Variants in NKAIN2 observed in about 807,000 individuals in gnomAD.
The protein encoded by NKAIN2 is sodium/potassium transporting ATPase interacting 2.
NKAIN2 carries 14 observed loss-of-function variants against 32.6 expected under a neutral mutation model. The ratio of observed to expected loss-of-function variants is 0.43; its 90% CI spans 0.28 to 0.67. The LOEUF (loss-of-function observed/expected upper bound fraction) is 0.67, where lower values mean the gene tolerates loss of function less well. NKAIN2 is among the 30% of genes least tolerant of loss of function. The probability of loss-of-function intolerance (pLI) is 0.17; values close to 1 mark genes in which losing one functional copy is unlikely to be tolerated. For synonymous variants in NKAIN2, 80 were observed against 87.2 expected (o/e 0.92, Z 0.46); for missense variants, 198 against 258.3 (o/e 0.77, Z 1.60).
At chr6:124,269,974 T>C (rs1180064055) in intron 1 of NKAIN2, among the ~76,000 whole-genome samples, 3 of 152,178 alleles carry the variant, frequency 2.0e-5, no homozygotes, top group Non-Finnish European at 2.9e-5. Context: ...ATTGACAATC[T>C]CCATATAGCT....
chr6:124,244,093 CT>C (rs201785453), intron 1 of NKAIN2, among the ~76,000 whole-genome samples: 2,199 of 149,186 alleles, frequency 0.015, 79 homozygotes, highest in East Asian at 0.084. Context: ...TTAATTAGTT[CT>C]TTTTTTTTAT....
intron 1 of NKAIN2, among the ~76,000 whole-genome samples, chr6:123,908,195 A>G (rs374389029): frequency 8.5e-5 from 13 of 152,272 alleles, no homozygotes; most frequent in African/African-American, 2.6e-4. Flanking sequence ...ATATCTTGCA[A>G]GAGATCTCTT....
chr6:123,883,432 A>T (rs1047159659), intron 1 of NKAIN2, among the ~76,000 whole-genome samples: 2 of 151,392 alleles, frequency 1.3e-5, no homozygotes, highest in Non-Finnish European at 2.9e-5. Context: ...GGCGTGAGCC[A>T]CTGCACCCGG....
intron 1 of NKAIN2, among the ~76,000 whole-genome samples, chr6:123,976,633 G>A (rs1778652077): frequency 1.3e-5 from 2 of 151,308 alleles, no homozygotes; most frequent in Non-Finnish European, 2.9e-5. Flanking sequence ...TTTATCCAGA[G>A]TTCACTGATT....
chr6:124,570,377 C>T (rs1056170671), intron 3 of NKAIN2, among the ~76,000 whole-genome samples: 3 of 152,130 alleles, frequency 2.0e-5, no homozygotes, highest in Non-Finnish European at 2.9e-5. Context: ...CACCAGGCCA[C>T]GTCAGAGACC....
At chr6:124,528,166 G>A (rs958257638) in intron 3 of NKAIN2, among the ~76,000 whole-genome samples, 3 of 152,196 alleles carry the variant, frequency 2.0e-5, no homozygotes, top group African/African-American at 7.2e-5. Flanking sequence ...AGGCAACCTA[G>A]AGAGAGATGC....
chr6:123,857,158 A>T (rs1207543435), intron 1 of NKAIN2, among the ~76,000 whole-genome samples: 1 of 152,168 alleles, frequency 6.6e-6, no homozygotes, highest in Non-Finnish European at 1.5e-5. Flanking sequence ...ATTTTTACAT[A>T]CAGTGTCAGG....
chr6:124,431,940 G>T (rs1775235101), intron 3 of NKAIN2, among the ~76,000 whole-genome samples: 1 of 152,110 alleles, frequency 6.6e-6, no homozygotes, highest in South Asian at 2.1e-4. Context: ...AAATATATCT[G>T]TAAAGGCCAG....
intron 1 of NKAIN2, among the ~76,000 whole-genome samples, chr6:123,996,690 A>G (rs1341257931): frequency 6.6e-6 from 1 of 152,140 alleles, no homozygotes; most frequent in Non-Finnish European, 1.5e-5. Flanking sequence ...TCTTGTTGAC[A>G]TAATAGATTG....
At chr6:124,371,924 C>A (rs1799787612) in intron 3 of NKAIN2, among the ~76,000 whole-genome samples, 1 of 152,064 alleles carries the variant, frequency 6.6e-6, no homozygotes, top group Admixed American at 6.6e-5. Context: ...TACCAGGGCA[C>A]ACATGACGTG....
At chr6:124,514,165 C>T (rs2114780213) in intron 3 of NKAIN2, among the ~76,000 whole-genome samples, 1 of 152,250 alleles carries the variant, frequency 6.6e-6, no homozygotes, top group South Asian at 2.1e-4. Context: ...ACTGGTCACT[C>T]ATAATGGATT....
At chr6:124,765,933 G>C (rs1370820374) in intron 4 of NKAIN2, among the ~76,000 whole-genome samples, 1 of 152,144 alleles carries the variant, frequency 6.6e-6, no homozygotes, top group Non-Finnish European at 1.5e-5. Flanking sequence ...ACTCTCTTCT[G>C]TATTTATATA....
intron 3 of NKAIN2, among the ~76,000 whole-genome samples, chr6:124,497,505 G>T (rs1213116459): frequency 6.6e-6 from 1 of 152,040 alleles, no homozygotes; most frequent in Non-Finnish European, 1.5e-5. Flanking sequence ...GGTCTTGGTT[G>T]TTCCAGCTGA....
chr6:124,484,081 G>A (rs1259019200), intron 3 of NKAIN2, among the ~76,000 whole-genome samples: 1 of 152,218 alleles, frequency 6.6e-6, no homozygotes, highest in Non-Finnish European at 1.5e-5. Flanking sequence ...AGTGACATCT[G>A]TGGCTTGTTT....
intron 1 of NKAIN2, among the ~76,000 whole-genome samples, chr6:123,809,049 T>C (rs2114857286): frequency 6.6e-6 from 1 of 152,288 alleles, no homozygotes; most frequent in East Asian, 1.9e-4. Flanking sequence ...ATTCCAAAGG[T>C]TGTATTTCAG....
intron 3 of NKAIN2, among the ~76,000 whole-genome samples, chr6:124,593,775 G>A (rs183947642): frequency 6.6e-5 from 10 of 152,274 alleles, no homozygotes; most frequent in African/African-American, 2.4e-4. Context: ...ATTAGGTAAA[G>A]GAAGGATTTA....
At chr6:124,770,238 G>A (rs781687876) in intron 4 of NKAIN2, among the ~76,000 whole-genome samples, 2 of 152,194 alleles carry the variant, frequency 1.3e-5, no homozygotes, top group Admixed American at 6.5e-5. Context: ...GGTATCACCT[G>A]TTCCTAGATG....
chr6:123,968,412 A>G (rs1047491830), intron 1 of NKAIN2, among the ~76,000 whole-genome samples: 1 of 152,220 alleles, frequency 6.6e-6, no homozygotes, highest in African/African-American at 2.4e-5. Context: ...CAAAGCAGTA[A>G]AAGCAGGAGT....
chr6:124,263,715 T>A (rs1345139184), intron 1 of NKAIN2, among the ~76,000 whole-genome samples: 2 of 132,950 alleles, frequency 1.5e-5, no homozygotes, highest in Non-Finnish European at 3.1e-5. Context: ...TTTGTTTGTT[T>A]GTTTAATTTA....
Sources: allele counts gnomAD v4.1 joint callset (sites outside exome capture counted in the v4.1 genomes callset), GRCh38; gene constraint gnomAD v4.1.1; transcripts MANE v1.5; gene names NCBI Gene and HGNC (gene_info 2026-07-23, HGNC 2026-07-21).